The following RBMS3 variants were observed in gnomAD, a reference collection of about 807,000 sequenced individuals.
RBMS3 encodes the protein RNA-binding motif, single-stranded-interacting protein 3.
A neutral mutation model predicts 66.8 loss-of-function variants in RBMS3; 27 were observed. The observed-to-expected ratio is 0.40, with a 90% CI of 0.30 to 0.56. RBMS3 has a LOEUF of 0.56. Ranked by LOEUF, RBMS3 falls within the 20% of genes least tolerant of loss-of-function variation. The probability of loss-of-function intolerance (pLI) is 0.40; values close to 1 mark genes in which losing one functional copy is unlikely to be tolerated. For missense variants in RBMS3, 513 were observed against 549.5 expected (o/e 0.93, Z 0.66); for synonymous variants, 188 against 183.0 (o/e 1.03, Z -0.22).
At chr3:29,922,081 T>C (rs2060796902) in intron 10 of RBMS3, among the ~76,000 whole-genome samples, 2 of 152,222 alleles carry the variant, frequency 1.3e-5, no homozygotes, top group African/African-American at 4.8e-5. Flanking sequence ...ATGTTTACTT[T>C]TGTGGAAAAT....
At chr3:29,323,881 T>A (rs937710269) in intron 1 of RBMS3, among the ~76,000 whole-genome samples, 1 of 152,194 alleles carries the variant, frequency 6.6e-6, no homozygotes, top group Middle Eastern at 3.4e-3. Flanking sequence ...TATGCCACTG[T>A]AGGGATTTTT....
intron 1 of RBMS3, among the ~76,000 whole-genome samples, chr3:29,353,169 C>A (rs967588015): frequency 6.6e-6 from 1 of 151,674 alleles, no homozygotes; most frequent in Non-Finnish European, 1.5e-5. Context: ...TTCTGGCTTC[C>A]CATTTCTGCA....
intron 4 of RBMS3, among the ~76,000 whole-genome samples, chr3:29,640,282 A>C (rs957570668): frequency 1.3e-4 from 18 of 138,834 alleles, no homozygotes; most frequent in African/African-American, 3.7e-4. Context: ...ACACACACAC[A>C]CACCCACACA....
chr3:29,729,414 T>A (rs2054029909), intron 4 of RBMS3, among the ~76,000 whole-genome samples: 1 of 152,114 alleles, frequency 6.6e-6, no homozygotes, highest in South Asian at 2.1e-4. Flanking sequence ...TGATTCCAAG[T>A]CTTTGCTATT....
At chr3:29,552,464 C>A (rs1166400445) in intron 3 of RBMS3, among the ~76,000 whole-genome samples, 1 of 152,120 alleles carries the variant, frequency 6.6e-6, no homozygotes, top group Non-Finnish European at 1.5e-5. Flanking sequence ...GCCTGGTCTT[C>A]TTTTCATTTG....
At chr3:29,893,377 C>G (rs1373289370) in intron 8 of RBMS3, among the ~76,000 whole-genome samples, 1 of 151,542 alleles carries the variant, frequency 6.6e-6, no homozygotes, top group Non-Finnish European at 1.5e-5. Context: ...TTCCTGTAAA[C>G]TTTGCCTGTC....
Position 29,429,933 on chromosome 3 carries a change from T to TTTTA in RBMS3, c.76-4782_76-4779dup, listed in dbSNP as rs3041547. On this transcript the variant is annotated intron_variant, in intron 1 of 14. Transcript: ENST00000383767. The stretch of plus-strand genomic sequence containing the variant: ...AACCCCTAGAGATTATTGACACTTC[T>TTTTA]TTTATTTATTTATTTATTTATTTAT... Among the ~76,000 whole-genome samples the TTTTA allele has an allele frequency of 1.8e-3, 272 of 149,834 alleles. 1 individual carries two copies. The highest frequency in any genetic ancestry group is 2.0e-3 in the East Asian group (10 of 5,050).
At chr3:29,975,623 A>T (rs1179211713) in intron 12 of RBMS3, among the ~76,000 whole-genome samples, 2 of 151,966 alleles carry the variant, frequency 1.3e-5, no homozygotes, top group Non-Finnish European at 2.9e-5. Context: ...GAATATTCAC[A>T]TGCAGTTCTA....
Position 29,849,568 on chromosome 3 carries a change from C to T in RBMS3, c.638-19290C>T, listed in dbSNP as rs181062464. On this transcript the variant is annotated intron_variant, in intron 6 of 14. Transcript: ENST00000383767. ...AGGCCAACTAAAGGTTTGTTTTTGT[C>T]AACTGTAGTATTTGGGTTAATCAGG... is the stretch of plus-strand genomic sequence containing the variant. Among the ~76,000 whole-genome samples the T allele has an allele frequency of 4.0e-5, 6 of 149,520 alleles. 1 individual carries two copies. The highest frequency in any genetic ancestry group is 8.9e-5 in the Non-Finnish European group (6 of 67,564).
At chr3:29,731,794 C>A (rs2054149320) in intron 4 of RBMS3, among the ~76,000 whole-genome samples, 1 of 151,990 alleles carries the variant, frequency 6.6e-6, no homozygotes, top group Admixed American at 6.6e-5. Context: ...GAAACAGAAC[C>A]AATAGGATGT....
intron 10 of RBMS3, among the ~76,000 whole-genome samples, chr3:29,905,351 A>G (rs993123260): frequency 1.3e-5 from 2 of 152,086 alleles, no homozygotes; most frequent in Non-Finnish European, 2.9e-5. Flanking sequence ...TACTATGCTT[A>G]TAGTAAATTT....
chr3:29,477,134 C>T (rs1181516413), intron 2 of RBMS3, among the ~76,000 whole-genome samples: 7 of 151,944 alleles, frequency 4.6e-5, no homozygotes, highest in Non-Finnish European at 8.8e-5. Context: ...ATACAAATTT[C>T]ATAAAGTATT....
chr3:29,388,607 C>T (rs2039122126), intron 1 of RBMS3, among the ~76,000 whole-genome samples: 1 of 152,202 alleles, frequency 6.6e-6, no homozygotes, highest in South Asian at 2.1e-4. Context: ...CAGAGTCTTG[C>T]TCTGTCGCAC....
chr3:29,625,681 A>T (rs887954527), intron 4 of RBMS3, among the ~76,000 whole-genome samples: 2 of 149,260 alleles, frequency 1.3e-5, no homozygotes, highest in Admixed American at 6.8e-5. Flanking sequence ...CTGGGCAAAA[A>T]GAGTGAAACG....
intron 1 of RBMS3, among the ~76,000 whole-genome samples, chr3:29,323,489 T>C (rs1250005368): frequency 6.6e-6 from 1 of 152,162 alleles, no homozygotes; most frequent in Admixed American, 6.5e-5. Context: ...AATTTAAATC[T>C]ATGTTATTTA....
intron 6 of RBMS3, among the ~76,000 whole-genome samples, chr3:29,863,002 C>T (rs2059257217): frequency 6.6e-6 from 1 of 151,892 alleles, no homozygotes; most frequent in Non-Finnish European, 1.5e-5. Context: ...TTAGGAATTA[C>T]CTAAGAACAA....
At chr3:29,339,085 C>A (rs562872020) in intron 1 of RBMS3, among the ~76,000 whole-genome samples, 1 of 152,176 alleles carries the variant, frequency 6.6e-6, no homozygotes, top group Non-Finnish European at 1.5e-5. Flanking sequence ...GCCTCTCACC[C>A]CCACCTGTGG....
At chr3:29,557,275 A>G (rs1302477778) in intron 3 of RBMS3, among the ~76,000 whole-genome samples, 2 of 152,172 alleles carry the variant, frequency 1.3e-5, no homozygotes, top group African/African-American at 2.4e-5. Context: ...ATTCCCAACA[A>G]ACTAAAATGA....
intron 1 of RBMS3, among the ~76,000 whole-genome samples, chr3:29,408,204 G>A (rs57299749): frequency 6.7e-6 from 1 of 149,398 alleles, no homozygotes; most frequent in Non-Finnish European, 1.5e-5. Context: ...CCCGGGAGGC[G>A]GAGCTTGCAG....
Sources: allele counts gnomAD v4.1 joint callset (sites outside exome capture counted in the v4.1 genomes callset), GRCh38; gene constraint gnomAD v4.1.1; transcripts MANE v1.5; gene names NCBI Gene and HGNC (gene_info 2026-07-23, HGNC 2026-07-21).